POLR2E: variants seen among roughly 807,000 people sequenced by gnomAD.
The protein encoded by POLR2E is RNA polymerase II, I and III subunit E, also known as DNA-directed RNA polymerases I, II, and III subunit RPABC1.
Under a neutral mutation model 29.8 loss-of-function variants are expected in POLR2E, and 35 were observed. The ratio of observed to expected loss-of-function variants is 1.17; its 90% CI spans 0.90 to 1.55. POLR2E has a LOEUF of 1.55. POLR2E is among the 40% of genes most tolerant of loss of function. The probability of loss-of-function intolerance (pLI) is 0.00; values close to 1 mark genes in which losing one functional copy is unlikely to be tolerated. For missense variants in POLR2E, 287 were observed against 288.6 expected (o/e 0.99, Z 0.04); for synonymous variants, 174 against 112.6 (o/e 1.55, Z -3.45).
Position 1,089,463 on chromosome 19 carries a change from C to G in POLR2E, c.*14+9G>C. ...CCCCACCTCAGTGCCTGTCCCTCGG[C>G]CGTCTCACCTGTCAGGCGGTAGCTA... On this transcript the variant is annotated intron_variant, in intron 7 of 7. Transcript: ENST00000615234. 6.3e-7 allele frequency: 1 copy of G among 1,598,914 alleles called. No individual in the cohort carries two copies. The highest frequency in any genetic ancestry group is 8.6e-7 in the Non-Finnish European group (1 of 1,166,696).
intron 4 of POLR2E, 49 bp downstream of exon 4, chr19:1,090,859 T>A (rs1442327595): frequency 6.6e-7 from 1 of 1,522,374 alleles, no homozygotes; most frequent in South Asian, 1.1e-5. Context: ...CCACAAACGC[T>A]GCATCTCTGC....
In POLR2E at chr19:1,086,807, T is replaced by G. The variant is rs1172163913; in HGVS notation, c.*1928A>C. On this transcript the variant is annotated 3_prime_UTR_variant, in exon 8 of 8. Transcript: ENST00000615234. ...GGGCCCCGCGAGGTGGGAGCCCGGG[T>G]GGTCTTCACCACAGGCTGTGCAGAC... The G allele has an allele frequency of 6.6e-6, 1 of 151,828 alleles. No homozygotes were observed. Among genetic ancestry groups the G allele is most frequent in the African/African-American group, 2.4e-5 (1 of 41,280 alleles). 9.4% of individuals were successfully genotyped at this position (151,828 alleles called of 1,614,324 possible).
chr19:1,095,233 C>T (rs1016741240), intron 1 of POLR2E, 26 bp downstream of exon 1: 2 of 1,610,948 alleles, frequency 1.2e-6, no homozygotes, highest in Admixed American at 3.3e-5. Context: ...CCCGCGCCCC[C>T]GCCCCCAACA....
At chr19:1,094,359 C>CA (rs2043899118) in intron 1 of POLR2E, 2 of 438,628 alleles carry the variant, frequency 4.6e-6, no homozygotes, top group Admixed American at 8.5e-5. Context: ...CAAAGCCCTC[C>CA]AAACCACTTT....
At chr19:1,094,372 A>C (rs979356976) in intron 1 of POLR2E, 3 of 407,504 alleles carry the variant, frequency 7.4e-6, no homozygotes, top group African/African-American at 6.2e-5. Flanking sequence ...ACCACTTTGC[A>C]GAGCTACCCT....
At position 1,087,261 on chromosome 19, in the gene POLR2E, C is replaced by G. The variant is rs1366678467; in HGVS notation, c.*1474G>C. ...CTCCACTTCCTGGGTTCAAGTGATT[C>G]TCCTGCCTTAGCTCCCAAGTAGCTG... On this transcript the variant is annotated 3_prime_UTR_variant, in exon 8 of 8. Transcript: ENST00000615234. The G allele has an allele frequency of 6.6e-6, 1 of 152,242 alleles. No homozygotes were observed. Among genetic ancestry groups the G allele is most frequent in the Non-Finnish European group, 1.5e-5 (1 of 68,048 alleles). 9.4% of individuals were successfully genotyped at this position (152,242 alleles called of 1,614,324 possible).
chr19:1,089,793 G>A (rs2043789306), intron 6 of POLR2E, 91 bp downstream of exon 6: 3 of 1,074,132 alleles, frequency 2.8e-6, no homozygotes, highest in Non-Finnish European at 4.2e-6. Context: ...CTGGATCAAG[G>A]GGGAGGGGCT....
In POLR2E at chr19:1,095,254, C is replaced by G. The variant is rs1227956975; in HGVS notation, c.57+5G>C. The G allele has an allele frequency of 6.2e-7, 1 of 1,612,904 alleles. No homozygotes were observed. Among genetic ancestry groups the G allele is most frequent in the Non-Finnish European group, 8.5e-7 (1 of 1,179,638 alleles). ...CCCCCGCCCCCAACACCAGGCGCGG[C>G]TCACCTGCATGATGGTCTTGCGGAT... On this transcript the variant is annotated splice_donor_5th_base_variant and intron_variant, in intron 1 of 7. Transcript: ENST00000615234.
At chr19:1,089,818 G>A in intron 6 of POLR2E, 66 bp downstream of exon 6, 8 of 1,313,324 alleles carry the variant, frequency 6.1e-6, no homozygotes, top group Non-Finnish European at 7.6e-6. Flanking sequence ...GGGAGGGACA[G>A]AAGCCCCCTT....
At chr19:1,091,970 A>G (rs2043842944) in intron 2 of POLR2E, 63 bp from the exon 3 acceptor site, 1 of 1,135,008 alleles carries the variant, frequency 8.8e-7, no homozygotes, top group South Asian at 1.2e-5. Flanking sequence ...GCCCACCCAG[A>G]GCCCAGAGCA....
chr19:1,093,594 T>TG, intron 2 of POLR2E: 1 of 374,608 alleles, frequency 2.7e-6, no homozygotes, highest in Non-Finnish European at 4.2e-6. Context: ...ACGGCCAGGA[T>TG]GGGGGAGCCA....
At chr19:1,095,149 T>G (rs2043913646) in intron 1 of POLR2E, 110 bp downstream of exon 1, 1 of 1,182,538 alleles carries the variant, frequency 8.5e-7, no homozygotes, top group Non-Finnish European at 1.2e-6. Flanking sequence ...GGCCCGGCCC[T>G]TCATCGCTGC....
rs367830828 is a variant in POLR2E, at chr19:1,093,928, C to T, written c.208G>A (p.Asp70Asn). 88 of 1,608,876 alleles carry T rather than the reference C, an allele frequency of 5.5e-5. 1 individual carries two copies. The South Asian group carries it at 7.2e-4, about 13-fold the overall frequency. ...VLVAHNDDPT[D>N]QMFVFFPEEP... is the part of the protein sequence containing the mutation. ...CCTGGAAAGAACACAAACATCTGGT[C>T]GGTGGGGTCATCGTTGTGGGCCACC... Residue 70 changes from aspartate (D) to asparagine (N), a missense_variant, in exon 2 of 8, where the codon GAC becomes AAC. Physicochemically the swap from Asp to Asn is conservative, Grantham distance 23. Coordinates refer to ENST00000615234, the MANE Select transcript of POLR2E (RefSeq NM_002695.5).
chr19:1,091,619 G>A (rs527960974), intron 3 of POLR2E, 173 bp downstream of exon 3: 6 of 602,136 alleles, frequency 1.0e-5, no homozygotes, highest in African/African-American at 7.4e-5. Context: ...TGGGGCCCAT[G>A]GACGCGGTGG....
At chr19:1,091,609 T>C (rs1044655022) in intron 3 of POLR2E, 183 bp downstream of exon 3, 15 of 595,180 alleles carry the variant, frequency 2.5e-5, no homozygotes, top group Non-Finnish European at 3.9e-5. Flanking sequence ...CTGCCTGGGG[T>C]GGGGCCCATG....
At chr19:1,093,164 C>T (rs542789202) in intron 2 of POLR2E, among the ~76,000 whole-genome samples, 27 of 151,606 alleles carry the variant, frequency 1.8e-4, no homozygotes, top group East Asian at 9.7e-4. Context: ...CCAGCCTGGG[C>T]GACAGATTGA....
At chr19:1,092,903 A>G in intron 2 of POLR2E, among the ~76,000 whole-genome samples, 1 of 143,116 alleles carries the variant, frequency 7.0e-6, no homozygotes, top group South Asian at 2.2e-4. Context: ...AAAAAAAAAA[A>G]GACTGGGCGC....
chr19:1,089,996 G>A, intron 5 of POLR2E, 34 bp from the exon 6 acceptor site: 1 of 1,567,524 alleles, frequency 6.4e-7, no homozygotes, highest in Non-Finnish European at 8.7e-7. Flanking sequence ...GCCAGACAGG[G>A]CCGTTGGGGG....
intron 1 of POLR2E, 65 bp downstream of exon 1, chr19:1,095,194 G>A: frequency 2.0e-6 from 3 of 1,516,624 alleles, no homozygotes; most frequent in Non-Finnish European, 2.7e-6. Flanking sequence ...CGCCGTGCTC[G>A]ACCCCACCTC....
Sources: gnomAD v4.1 joint callset for allele counts (sites outside exome capture counted in the v4.1 genomes callset) on GRCh38, gnomAD v4.1.1 for gene constraint, MANE v1.5 for transcripts, NCBI Gene and HGNC (gene_info 2026-07-23, HGNC 2026-07-21) for gene names.